The following ESCO1 variants were observed in gnomAD, a reference collection of about 807,000 sequenced individuals.
ESCO1 encodes N-acetyltransferase ESCO1.
Under a neutral mutation model 83.5 loss-of-function variants are expected in ESCO1, and 33 were observed. That is an observed-to-expected ratio of 0.40 (90% CI 0.30 to 0.53). The LOEUF is 0.53. Ranked by LOEUF, ESCO1 falls within the 20% of genes least tolerant of loss-of-function variation. ESCO1 has a pLI of 0.63. For missense variants in ESCO1, 855 were observed against 968.0 expected (o/e 0.88, Z 1.55); for synonymous variants, 332 against 324.3 (o/e 1.02, Z -0.25).
At chr18:21,593,576 C>T (rs1452468834) in intron 1 of ESCO1, 2 of 45,660 alleles carry the variant, frequency 4.4e-5, no homozygotes, top group Non-Finnish European at 1.1e-4. Context: ...AGAGGGAGAC[C>T]GTGGAAAGAG....
At chr18:21,532,316 G>T (rs2037777591) in intron 11 of ESCO1, among the ~76,000 whole-genome samples, 157 bp downstream of exon 11, 1 of 152,122 alleles carries the variant, frequency 6.6e-6, no homozygotes, top group Non-Finnish European at 1.5e-5. Context: ...CTCATAAAAA[G>T]TACTTACAGA....
At position 21,530,389 on chromosome 18, in the gene ESCO1, C is replaced by T. The variant is rs1275315286; in HGVS notation, c.2477G>A (p.Gly826Asp). Residue 826 changes from glycine (G) to aspartate (D), a missense_variant, in exon 12 of 12, where the codon GGT (glycine) becomes GAT (aspartate). Gly to Asp is a moderately conservative substitution (Grantham distance 94). Coordinates refer to ENST00000269214, the MANE Select transcript of ESCO1 (RefSeq NM_052911.3). ...KLFATQYCGT[G>D]QFLVYNFING... ...AATAAAATTATATACCAGAAATTGACCAGTGCCACAGTACTGTGTTGCAAA... is the reference window on the plus strand; with the variant it reads ...AATAAAATTATATACCAGAAATTGATCAGTGCCACAGTACTGTGTTGCAAA... The T allele has an allele frequency of 1.9e-6, 3 of 1,604,748 alleles. No homozygotes were observed. The highest frequency in any genetic ancestry group is 2.5e-6 in the Non-Finnish European group (3 of 1,177,182).
intron 2 of ESCO1, among the ~76,000 whole-genome samples, chr18:21,576,027 C>T (rs2038414863): frequency 6.6e-6 from 1 of 151,986 alleles, no homozygotes; most frequent in Non-Finnish European, 1.5e-5. Context: ...AAAAACAATT[C>T]ATAATATAAG....
intron 9 of ESCO1, among the ~76,000 whole-genome samples, chr18:21,538,052 T>A (rs1220538286): frequency 2.0e-5 from 3 of 151,892 alleles, no homozygotes; most frequent in Non-Finnish European, 4.4e-5. Context: ...ATGCATAGAA[T>A]ATATGTAGAT....
At chr18:21,568,228 C>T (rs901795631) in intron 4 of ESCO1, 134 bp from the exon 5 acceptor site, 10 of 632,536 alleles carry the variant, frequency 1.6e-5, no homozygotes, top group Non-Finnish European at 2.5e-5. Flanking sequence ...TGAAGTCTCC[C>T]CATGATCTTG....
chr18:21,534,552 T>A (rs1455966134), intron 10 of ESCO1, among the ~76,000 whole-genome samples: 1 of 152,136 alleles, frequency 6.6e-6, no homozygotes, highest in Admixed American at 6.6e-5. Flanking sequence ...TTGTTTTTTG[T>A]ACAAGTTGGC....
chr18:21,540,547 C>A, intron 8 of ESCO1: 1 of 1,292,382 alleles, frequency 7.7e-7, no homozygotes, highest in Non-Finnish European at 1.0e-6. Context: ...ACCAAAGCCA[C>A]AAGAAGGAGA....
chr18:21,596,480 TATAATA>T (rs763498751), intron 1 of ESCO1, among the ~76,000 whole-genome samples: 1 of 152,162 alleles, frequency 6.6e-6, no homozygotes, highest in African/African-American at 2.4e-5. Context: ...AAGTGTTAGC[TATAATA>T]ATATTAATAA....
At chr18:21,539,849 G>A (rs1351965803) in intron 9 of ESCO1, 71 bp downstream of exon 9, 2 of 1,305,504 alleles carry the variant, frequency 1.5e-6, no homozygotes, top group African/African-American at 3.0e-5. Context: ...CCCTGTCTCA[G>A]GGTAAAAAAA....
intron 1 of ESCO1, among the ~76,000 whole-genome samples, chr18:21,592,181 T>C (rs2146234244): frequency 6.7e-6 from 1 of 149,330 alleles, no homozygotes; most frequent in South Asian, 2.2e-4. Context: ...CAATAAGCTG[T>C]TGGGCACACC....
At chr18:21,598,796 A>T (rs1168293498) in intron 1 of ESCO1, among the ~76,000 whole-genome samples, 1 of 152,156 alleles carries the variant, frequency 6.6e-6, no homozygotes, top group Non-Finnish European at 1.5e-5. Flanking sequence ...GTTAGCAATG[A>T]TAAAGGAGTT....
In ESCO1 at chr18:21,574,499, A is replaced by G; in HGVS notation, c.345T>C (p.Asn115=). 1 of 1,613,908 alleles carries G rather than the reference A, an allele frequency of 6.2e-7. No individual in the cohort carries two copies. Among genetic ancestry groups the G allele is most frequent in the South Asian group, 1.1e-5 (1 of 91,058 alleles). The change falls in exon 4 of 12, where the codon AAT becomes AAC. Residue 115 remains asparagine (N), a synonymous_variant. Coordinates refer to ENST00000269214, the MANE Select transcript of ESCO1 (RefSeq NM_052911.3). ...TTTGTGATCTCCGGTTAAGCTGTTC[A>G]TTTGCTTTAGGGTTTTCATGTACTA... ...KKLVHENPKA[N]EQLNRRSQRL...
chr18:21,579,784 ACG>A (rs199944972), intron 2 of ESCO1, among the ~76,000 whole-genome samples: 7,533 of 60,194 alleles, frequency 0.13, 468 homozygotes, highest in South Asian at 0.37. Flanking sequence ...ACACACACAC[ACG>A]CGCGCGCGCA....
intron 4 of ESCO1, among the ~76,000 whole-genome samples, chr18:21,570,318 A>C (rs914886722): frequency 5.3e-5 from 8 of 151,866 alleles, no homozygotes; most frequent in Admixed American, 5.2e-4. Flanking sequence ...AAACTTGTCT[A>C]AAACTCCTGG....
intron 7 of ESCO1, among the ~76,000 whole-genome samples, chr18:21,562,467 C>A (rs1413337045): frequency 1.1e-4 from 15 of 138,688 alleles, no homozygotes; most frequent in African/African-American, 8.0e-5. Context: ...CTCCGTCTTA[C>A]AAAAAAAAAA....
intron 10 of ESCO1, among the ~76,000 whole-genome samples, chr18:21,533,970 C>T (rs1047114768): frequency 1.3e-4 from 20 of 152,012 alleles, no homozygotes; most frequent in Non-Finnish European, 2.4e-4. Context: ...AGTGGCTATT[C>T]ACAGACACAA....
At position 21,567,979 on chromosome 18, in the gene ESCO1, C is replaced by T; in HGVS notation, c.1645+1G>A. 3.7e-6 allele frequency: 6 copies of T among 1,602,084 alleles called. No individual in the cohort carries two copies. Among genetic ancestry groups the T allele is most frequent in the Non-Finnish European group, 5.1e-6 (6 of 1,172,714 alleles). On this transcript the variant is annotated splice_donor_variant, in intron 5 of 11. Coordinates refer to ENST00000269214, the MANE Select transcript of ESCO1 (RefSeq NM_052911.3). LOFTEE classifies it high-confidence loss of function. ...TCCAAATAATATTTCCAAAGTATTA[C>T]CTGGAAATTTATTCTCTCCTGTATC...
At chr18:21,531,751 C>T (rs913731103) in intron 11 of ESCO1, among the ~76,000 whole-genome samples, 4 of 151,696 alleles carry the variant, frequency 2.6e-5, no homozygotes, top group East Asian at 3.9e-4. Context: ...ACCAGGAGTT[C>T]GAGAGGTGGT....
Position 21,573,603 on chromosome 18 carries a change from T to G in ESCO1, c.1241A>C (p.Lys414Thr), listed in dbSNP as rs753758684. The G allele has an allele frequency of 1.8e-5, 29 of 1,614,020 alleles. No individual in the cohort carries two copies. Among genetic ancestry groups the G allele is most frequent in the Non-Finnish European group, 2.1e-5 (25 of 1,180,030 alleles). ...AAAACTGGTTCGTAATAAGCCTAAT[T>G]TAGGGGAAACTTGAGAGTCCAACTT... ...HNKLDSQVSPKLGLLRTSFSP... is the reference protein window; with the variant it reads ...HNKLDSQVSPTLGLLRTSFSP... The change falls in exon 4 of 12, where the codon AAA (lysine) becomes ACA (threonine). Residue 414 changes from lysine (K) to threonine (T), a missense_variant. By Grantham distance (78) the Lys-to-Thr change is moderately conservative (BLOSUM62 -1). This residue lies in a region of ESCO1 where 726 missense variants were observed against 699.5 expected (regional missense o/e 1.04). Coordinates refer to ENST00000269214, the MANE Select transcript of ESCO1 (RefSeq NM_052911.3).
Sources: gnomAD v4.1 joint callset for allele counts (sites outside exome capture counted in the v4.1 genomes callset) on GRCh38, gnomAD v4.1.1 for gene constraint, gnomAD v4.1.1 regional missense constraint, MANE v1.5 for transcripts, NCBI Gene and HGNC (gene_info 2026-07-23, HGNC 2026-07-21) for gene names.